Variants in MYO1F observed in about 807,000 individuals in gnomAD.
MYO1F encodes the protein myosin IF.
Under a neutral mutation model 146.6 loss-of-function variants are expected in MYO1F, and 60 were observed. The ratio of observed to expected loss-of-function variants is 0.41; its 90% confidence interval spans 0.33 to 0.51. MYO1F has a LOEUF of 0.51. Ranked by LOEUF, MYO1F falls within the 20% of genes least tolerant of loss-of-function variation. MYO1F has a pLI of 0.25. For missense variants in MYO1F, 1,274 were observed against 1,534.3 expected (o/e 0.83, Z 2.83); for synonymous variants, 602 against 602.1 (o/e 1.00, Z 0.00).
chr19:8,565,802 AACACCTGGCCGGGTGGTGGCTC>A (rs1787836418), intron 1 of MYO1F, among the ~76,000 whole-genome samples: 2 of 151,730 alleles, frequency 1.3e-5, no homozygotes, highest in Admixed American at 1.3e-4. Flanking sequence ...AACAACAGTT[AACACCTGGCCGGGTGGTGGCTC>A]ACACCTGTCA....
chr19:8,564,809 G>A, intron 1 of MYO1F, among the ~76,000 whole-genome samples: 1 of 151,696 alleles, frequency 6.6e-6, no homozygotes, highest in African/African-American at 2.4e-5. Flanking sequence ...GTCTCGCTCT[G>A]TCACCCAGGC....
chr19:8,568,789 C>T lies in MYO1F; in HGVS notation c.3+8518G>A, dbSNP rs563773311. On this transcript the variant is annotated intron_variant, in intron 1 of 27. Coordinates refer to ENST00000644032, the MANE Select transcript of MYO1F (RefSeq NM_012335.4). The stretch of plus-strand genomic sequence containing the variant: ...TACAAAAATTAGCCCGGCGTGGTGG[C>T]GGGTGTCTGTAGTCTTAGCTATCCG... Among the ~76,000 whole-genome samples, 11 of 152,068 alleles carry T rather than the reference C, an allele frequency of 7.2e-5. No individual in the cohort carries two copies. The South Asian group carries it at 8.3e-4, about 11-fold the overall frequency.
chr19:8,541,419 G>GTTTT (rs1200496185), intron 15 of MYO1F, among the ~76,000 whole-genome samples: 3 of 133,980 alleles, frequency 2.2e-5, no homozygotes, highest in African/African-American at 8.7e-5. Context: ...GTGTGTGTGT[G>GTTTT]TGTGTGTTTT....
chr19:8,552,929 T>G (rs1166781113), intron 6 of MYO1F, among the ~76,000 whole-genome samples: 1 of 152,158 alleles, frequency 6.6e-6, no homozygotes, highest in Non-Finnish European at 1.5e-5. Flanking sequence ...CACAGGGGTG[T>G]CATGGCCTCC....
At position 8,522,777 on chromosome 19, in the gene MYO1F, CA is replaced by C. The variant is rs1323140020; in HGVS notation, c.2906del (p.Leu969ArgfsTer92). 6.2e-7 allele frequency: 1 copy of C among 1,604,576 alleles called. No individual in the cohort carries two copies. The highest frequency in any genetic ancestry group is 2.2e-5 in the East Asian group (1 of 44,550). On this transcript the variant is annotated frameshift_variant, in exon 26 of 28. Coordinates refer to ENST00000644032, the MANE Select transcript of MYO1F (RefSeq NM_012335.4). LOFTEE classifies it high-confidence loss of function. The stretch of plus-strand genomic sequence containing the variant: ...GGGTGCCCCCTCCAGACATGATCTC[CA>C]GGGGCAGGGGGCCCCCTCTGGCAGA... ...PPSARGGPLP[L>X]EIMSGGGTHR... is the part of the protein sequence containing the mutation.
At chr19:8,548,689 C>T (rs1443680706) in intron 10 of MYO1F, among the ~76,000 whole-genome samples, 1 of 151,820 alleles carries the variant, frequency 6.6e-6, no homozygotes, top group Non-Finnish European at 1.5e-5. Flanking sequence ...CAAGCTCCGC[C>T]TCCAGGGTTC....
intron 4 of MYO1F, among the ~76,000 whole-genome samples, chr19:8,553,890 A>ACTCTCTCT (rs750034709): frequency 3.0e-3 from 174 of 57,908 alleles, no homozygotes; most frequent in East Asian, 0.021. Flanking sequence ...ACACACACAC[A>ACTCTCTCT]CACACTCTCT....
chr19:8,537,670 G>A (rs1177270912), intron 16 of MYO1F, among the ~76,000 whole-genome samples: 1 of 152,130 alleles, frequency 6.6e-6, no homozygotes, highest in African/African-American at 2.4e-5. Flanking sequence ...CTGACCTCAG[G>A]TGATCCATCC....
At chr19:8,543,654 C>CTGGTGGTGGTGGTGG (rs1266851158) in intron 14 of MYO1F, among the ~76,000 whole-genome samples, 1 of 87,534 alleles carries the variant, frequency 1.1e-5, no homozygotes, top group Non-Finnish European at 2.3e-5. Context: ...GGTGGTGGTG[C>CTGGTGGTGGTGGTGG]TGGTGGTGGT....
intron 1 of MYO1F, among the ~76,000 whole-genome samples, chr19:8,559,025 C>T (rs1973967531): frequency 6.6e-6 from 1 of 151,924 alleles, no homozygotes; most frequent in Non-Finnish European, 1.5e-5. Flanking sequence ...ACTACAGGCA[C>T]ACACCACTAA....
At chr19:8,571,540 G>A (rs1326727694) in intron 1 of MYO1F, among the ~76,000 whole-genome samples, 2 of 149,268 alleles carry the variant, frequency 1.3e-5, no homozygotes, top group African/African-American at 2.5e-5. Context: ...TCAGCCTCCC[G>A]AGTAGCTGGG....
At position 8,555,722 on chromosome 19, in the gene MYO1F, G is replaced by A; in HGVS notation, c.78C>T (p.Pro26=). 1 of 1,614,100 alleles carries A rather than the reference G, an allele frequency of 6.2e-7. No homozygotes were observed. Among genetic ancestry groups the A allele is most frequent in the Non-Finnish European group, 8.5e-7 (1 of 1,180,028 alleles). ...CGGCAATGGCGTCTTCGGTGATCTGGGGAAGAAGCACCATGTCATCCACGC... is the reference window on the plus strand; with the variant it reads ...CGGCAATGGCGTCTTCGGTGATCTGAGGAAGAAGCACCATGTCATCCACGC... The part of the protein sequence containing the change: ...QSGVDDMVLL[P]QITEDAIAAN... Residue 26 remains proline, a synonymous_variant, in exon 2 of 28, where the codon CCC becomes CCT. Transcript: ENST00000644032.
chr19:8,543,151 G>A (rs1013718527), intron 14 of MYO1F, among the ~76,000 whole-genome samples: 5 of 152,122 alleles, frequency 3.3e-5, no homozygotes, highest in Middle Eastern at 6.8e-3. Flanking sequence ...TGATCCACCC[G>A]CCTCAGCCTC....
intron 1 of MYO1F, among the ~76,000 whole-genome samples, chr19:8,562,885 G>A (rs559386575): frequency 2.6e-5 from 4 of 152,222 alleles, no homozygotes; most frequent in Non-Finnish European, 4.4e-5. Flanking sequence ...CGGTGGTGGC[G>A]TTAAAAATGA....
intron 25 of MYO1F, chr19:8,525,258 G>A (rs1004434829): frequency 8.9e-6 from 5 of 558,776 alleles, no homozygotes; most frequent in South Asian, 2.3e-5. Flanking sequence ...AGGGTAGGAG[G>A]AGAGAAGATG....
At chr19:8,571,124 C>T (rs1038797747) in intron 1 of MYO1F, among the ~76,000 whole-genome samples, 1 of 152,214 alleles carries the variant, frequency 6.6e-6, no homozygotes, top group Non-Finnish European at 1.5e-5. Context: ...TGAGCAAGAG[C>T]TCTAGATTGA....
At position 8,536,181 on chromosome 19, in the gene MYO1F, CTCT is replaced by C; in HGVS notation, c.2043+68_2043+70del. The C allele has an allele frequency of 1.9e-6, 3 of 1,559,224 alleles. No homozygotes were observed. In the East Asian group the frequency reaches 6.7e-5, roughly 35 times the overall value. ...TGTCTCCCTCTGTCTCTCTCTCTCT[CTCT>C]CAGTCCCTCTCTATACCTTTCTCTC... is the stretch of plus-strand genomic sequence containing the variant. On this transcript the variant is annotated intron_variant, in intron 19 of 27. Coordinates refer to ENST00000644032, the MANE Select transcript of MYO1F (RefSeq NM_012335.4).
At chr19:8,537,149 G>T (rs1972763235) in intron 16 of MYO1F, 94 bp from the exon 17 acceptor site, 12 of 834,654 alleles carry the variant, frequency 1.4e-5, no homozygotes, top group Non-Finnish European at 2.2e-5. Context: ...CCAATAGACA[G>T]AGACTGGGGG....
intron 19 of MYO1F, 69 bp downstream of exon 19, chr19:8,536,183 C>G: frequency 6.4e-7 from 1 of 1,563,526 alleles, no homozygotes; most frequent in Non-Finnish European, 8.7e-7. Context: ...CTCTCTCTCT[C>G]TCAGTCCCTC....
Sources: allele counts gnomAD v4.1 joint callset (sites outside exome capture counted in the v4.1 genomes callset), GRCh38; gene constraint gnomAD v4.1.1; transcripts MANE v1.5; gene names NCBI Gene and HGNC (gene_info 2026-07-23, HGNC 2026-07-21).